Variants in LHFPL3 observed in about 807,000 individuals in gnomAD.
LHFPL3 encodes the protein LHFPL tetraspan subfamily member 3.
In LHFPL3, 5 loss-of-function variants were observed where a neutral mutation model predicts 19.3. The observed-to-expected ratio is 0.26, with a 90% CI of 0.14 to 0.54. LHFPL3 has a LOEUF of 0.54. Ranked by LOEUF, LHFPL3 falls within the 20% of genes least tolerant of loss-of-function variation. The pLI is 0.94. For missense variants in LHFPL3, 249 were observed against 307.4 expected (o/e 0.81, Z 1.42); for synonymous variants, 133 against 126.2 (o/e 1.05, Z -0.36).
At chr7:104,874,488 C>T (rs149372858) in intron 2 of LHFPL3, among the ~76,000 whole-genome samples, 87 of 151,436 alleles carry the variant, frequency 5.7e-4, no homozygotes, top group African/African-American at 1.9e-3. Flanking sequence ...TCCGTCTCCA[C>T]GGTTCAAGCA....
At chr7:104,572,641 G>A (rs911437181) in intron 1 of LHFPL3, among the ~76,000 whole-genome samples, 2 of 152,124 alleles carry the variant, frequency 1.3e-5, no homozygotes, top group African/African-American at 4.8e-5. Context: ...TTGGAAAAGA[G>A]CCAAAGGTTC....
intron 1 of LHFPL3, among the ~76,000 whole-genome samples, chr7:104,546,338 T>C (rs1438557884): frequency 6.6e-6 from 1 of 152,216 alleles, no homozygotes; most frequent in Admixed American, 6.5e-5. Context: ...ATCTAGCACC[T>C]TCAGATCAGT....
chr7:104,742,116 G>C (rs1321554497), intron 2 of LHFPL3, among the ~76,000 whole-genome samples: 2 of 152,130 alleles, frequency 1.3e-5, no homozygotes, highest in Non-Finnish European at 2.9e-5. Flanking sequence ...CAGATAAAAA[G>C]GATTTGAAAT....
intron 2 of LHFPL3, among the ~76,000 whole-genome samples, chr7:104,838,968 T>C (rs967005195): frequency 5.9e-5 from 9 of 152,178 alleles, no homozygotes; most frequent in Non-Finnish European, 1.3e-4. Flanking sequence ...CAGAATAAAT[T>C]CTAGCATGCT....
chr7:104,585,729 A>C (rs1790561716), intron 1 of LHFPL3, among the ~76,000 whole-genome samples: 1 of 152,150 alleles, frequency 6.6e-6, no homozygotes, highest in African/African-American at 2.4e-5. Flanking sequence ...ACTGCAGGGG[A>C]ATGCAGAGGA....
intron 2 of LHFPL3, among the ~76,000 whole-genome samples, chr7:104,900,173 T>G (rs549231376): frequency 1.2e-3 from 184 of 152,338 alleles, no homozygotes; most frequent in Non-Finnish European, 2.3e-3. Context: ...ATGCCAAAAC[T>G]GGACAGTTAA....
At chr7:104,590,967 C>T (rs910636455) in intron 1 of LHFPL3, among the ~76,000 whole-genome samples, 1 of 152,060 alleles carries the variant, frequency 6.6e-6, no homozygotes, top group African/African-American at 2.4e-5. Context: ...ATTTGCTTGG[C>T]AGATCATCCT....
intron 1 of LHFPL3, among the ~76,000 whole-genome samples, chr7:104,519,374 G>T (rs1017629052): frequency 6.6e-6 from 1 of 152,126 alleles, no homozygotes; most frequent in Non-Finnish European, 1.5e-5. Flanking sequence ...GGAACTTTTG[G>T]ATCAAATAGA....
intron 2 of LHFPL3, among the ~76,000 whole-genome samples, chr7:104,877,837 C>G: frequency 9.3e-6 from 1 of 107,650 alleles, no homozygotes; most frequent in African/African-American, 3.6e-5. Context: ...TTTATAGCAG[C>G]ATTTTTTTTT....
chr7:104,889,166 T>C lies in LHFPL3; in HGVS notation c.683-17021T>C, dbSNP rs555647474. 3.3e-5 allele frequency among the ~76,000 whole-genome samples: 5 copies of C among 152,312 alleles called. No homozygotes were observed. The East Asian group carries it at 7.7e-4, about 24-fold the overall frequency. ...ACATATAGTGTCTAAAATTGATAAA[T>C]GCATAATTAAACAAATGTTAACATA... On this transcript the variant is annotated intron_variant, in intron 2 of 2. Transcript: ENST00000424859.
At chr7:104,773,688 G>A (rs1009111022) in intron 2 of LHFPL3, among the ~76,000 whole-genome samples, 2 of 152,192 alleles carry the variant, frequency 1.3e-5, no homozygotes, top group Non-Finnish European at 2.9e-5. Flanking sequence ...TCCTTACAAA[G>A]AGAAGAAACC....
chr7:104,668,722 C>G (rs372910750), intron 1 of LHFPL3: 4 of 1,570,174 alleles, frequency 2.5e-6, no homozygotes, highest in African/African-American at 2.8e-5. Flanking sequence ...AGAGGTCCCC[C>G]CCCCCCCAAA....
chr7:104,482,278 A>T (rs1442388413), intron 1 of LHFPL3, among the ~76,000 whole-genome samples: 4 of 152,040 alleles, frequency 2.6e-5, no homozygotes, highest in African/African-American at 9.7e-5. Flanking sequence ...TCTTGAGAAC[A>T]CTCTCTATAA....
At chr7:104,534,294 A>C (rs1562928041) in intron 1 of LHFPL3, among the ~76,000 whole-genome samples, 1 of 152,228 alleles carries the variant, frequency 6.6e-6, no homozygotes. Context: ...TCAACTCTAG[A>C]GATCATAGCT....
At chr7:104,759,693 T>C (rs890726134) in intron 2 of LHFPL3, 5 of 152,192 alleles carry the variant, frequency 3.3e-5, no homozygotes, top group African/African-American at 1.2e-4. Flanking sequence ...CAAATATTGA[T>C]GGCTCTTACC....
At chr7:104,562,199 C>G (rs1050006442) in intron 1 of LHFPL3, among the ~76,000 whole-genome samples, 4 of 151,786 alleles carry the variant, frequency 2.6e-5, no homozygotes, top group African/African-American at 9.7e-5. Flanking sequence ...TTGTGGCGTT[C>G]TCTGTATTTC....
chr7:104,669,218 C>A (rs1792423862), intron 1 of LHFPL3: 9 of 1,613,870 alleles, frequency 5.6e-6, no homozygotes, highest in Non-Finnish European at 8.5e-7. Context: ...AACCCTCCTG[C>A]TCGATCTCAG....
chr7:104,862,720 C>G (rs980985067), intron 2 of LHFPL3, among the ~76,000 whole-genome samples: 3 of 152,182 alleles, frequency 2.0e-5, no homozygotes, highest in African/African-American at 7.2e-5. Context: ...CCTGGACCTG[C>G]TGAACCCTGG....
chr7:104,348,188 C>T (rs1486057509), intron 1 of LHFPL3, among the ~76,000 whole-genome samples: 1 of 151,492 alleles, frequency 6.6e-6, no homozygotes, highest in Non-Finnish European at 1.5e-5. Context: ...AGATGGAGAC[C>T]ATCCTGGCCA....
Sources: allele counts gnomAD v4.1 joint callset (sites outside exome capture counted in the v4.1 genomes callset), GRCh38; gene constraint gnomAD v4.1.1; transcripts MANE v1.5; gene names NCBI Gene and HGNC (gene_info 2026-07-23, HGNC 2026-07-21).